Variants in PBRM1 observed in about 807,000 individuals in gnomAD.
The protein encoded by PBRM1 is protein polybromo-1.
In PBRM1, 27 loss-of-function variants were observed where a neutral mutation model predicts 194.5. The ratio of observed to expected loss-of-function variants is 0.14; its 90% CI spans 0.10 to 0.19. PBRM1 has a LOEUF of 0.19. Among genes scored for constraint, PBRM1 ranks in the 10% least tolerant of loss-of-function variants. The probability of loss-of-function intolerance (pLI) is 1.00; values close to 1 mark genes in which losing one functional copy is unlikely to be tolerated. For synonymous variants in PBRM1, 655 were observed against 693.2 expected (o/e 0.94, Z 0.87); for missense variants, 1,466 against 2,077.2 (o/e 0.71, Z 5.72).
At chr3:52,637,993 C>T (rs2095893104) in intron 10 of PBRM1, among the ~76,000 whole-genome samples, 1 of 151,712 alleles carries the variant, frequency 6.6e-6, no homozygotes, top group Non-Finnish European at 1.5e-5. Context: ...TATCAATATC[C>T]CCCTCTCTTA....
At chr3:52,674,641 A>T (rs60004408) in intron 2 of PBRM1, among the ~76,000 whole-genome samples, 4,575 of 74,812 alleles carry the variant, frequency 0.061, 87 homozygotes, top group Non-Finnish European at 0.1. Context: ...AAAAAAAAAA[A>T]AAATATATAT....
At chr3:52,558,539 T>C in intron 25 of PBRM1, 126 bp from the exon 28 acceptor site, 1 of 776,782 alleles carries the variant, frequency 1.3e-6, no homozygotes, top group East Asian at 2.8e-5. Context: ...GAACAGTAGA[T>C]GACTAGTCTC....
chr3:52,563,323 A>G, exon 24 of PBRM1: 2 of 1,614,090 alleles, frequency 1.2e-6, no homozygotes, highest in Non-Finnish European at 1.7e-6. Context: ...CTCACTGGCC[A>G]GGGGGGTCTG....
intron 10 of PBRM1, among the ~76,000 whole-genome samples, chr3:52,637,607 T>C (rs1407260858): frequency 1.3e-5 from 2 of 151,536 alleles, no homozygotes; most frequent in Admixed American, 6.6e-5. Context: ...CACTCCAGCC[T>C]GGGTGACACA....
Position 52,638,985 on chromosome 3 carries a change from T to TGG in PBRM1, c.1087+2968_1087+2969insCC, listed in dbSNP as rs1560631347. ...TGCATAACGTTATTCACATTTTTTT[T>TGG]TGGGGGGGGGGGGCGGGGGACAAAG... On this transcript the variant is annotated intron_variant, in intron 10 of 29. Coordinates refer to ENST00000296302, the Ensembl canonical transcript of PBRM1. Among the ~76,000 whole-genome samples, 58 of 47,788 alleles carry TGG rather than the reference T, an allele frequency of 1.2e-3. 1 individual carries two copies. Among genetic ancestry groups the TGG allele is most frequent in the African/African-American group, 2.8e-3 (36 of 12,760 alleles). 31.4% of individuals were successfully genotyped at this position (47,788 alleles called of 152,430 possible). A position where few individuals can be genotyped will look rare whatever the true frequency, so the allele number is the denominator to read the frequency against.
chr3:52,599,018 C>CA (rs59170143), intron 17 of PBRM1, among the ~76,000 whole-genome samples: 2,406 of 114,022 alleles, frequency 0.021, 47 homozygotes, highest in East Asian at 0.11. Context: ...CCAGATATCT[C>CA]AAAAAAAAAA....
At chr3:52,573,000 T>G (rs1046756168) in intron 22 of PBRM1, among the ~76,000 whole-genome samples, 4 of 152,232 alleles carry the variant, frequency 2.6e-5, no homozygotes, top group Non-Finnish European at 5.9e-5. Flanking sequence ...ATGCATTTTC[T>G]TTTGGGTTTT....
intron 11 of PBRM1, among the ~76,000 whole-genome samples, chr3:52,630,682 C>A (rs2095590878): frequency 6.6e-6 from 1 of 152,134 alleles, no homozygotes; most frequent in Non-Finnish European, 1.5e-5. Context: ...AATAGTTTAC[C>A]CTTCAGAACT....
chr3:52,658,102 C>T (rs1258736633), intron 5 of PBRM1, 97 bp downstream of exon 6: 3 of 691,976 alleles, frequency 4.3e-6, no homozygotes, highest in African/African-American at 1.8e-5. Context: ...CCAACATCTT[C>T]CTTTTGAACT....
At chr3:52,546,636 G>C (rs75386783), downstream of PBRM1, 989 of 231,962 alleles carry the variant, frequency 4.3e-3, 3 homozygotes, top group South Asian at 0.02. Context: ...AGCAGTGGAA[G>C]CTCTACCACA....
intron 10 of PBRM1, among the ~76,000 whole-genome samples, chr3:52,635,465 C>G (rs1224620673): frequency 6.6e-6 from 1 of 152,004 alleles, no homozygotes; most frequent in Admixed American, 6.6e-5. Flanking sequence ...ACTCAGGAGG[C>G]TGAGGCAGAA....
chr3:52,579,382 T>C (rs2090509483), intron 20 of PBRM1, 183 bp from the exon 23 acceptor site: 1 of 605,212 alleles, frequency 1.7e-6, no homozygotes, highest in South Asian at 2.0e-5. Context: ...GCCCAAGAGT[T>C]TGAGACCAGC....
chr3:52,580,880 ACAT>A, intron 20 of PBRM1, among the ~76,000 whole-genome samples: 1 of 151,340 alleles, frequency 6.6e-6, no homozygotes. Flanking sequence ...CACTTAACAG[ACAT>A]CATTATTACT....
At chr3:52,603,716 A>G (rs371456253) in exon 17 of PBRM1, 6 of 1,606,628 alleles carry the variant, frequency 3.7e-6, no homozygotes, top group African/African-American at 1.3e-5. Flanking sequence ...GCATCTTCAT[A>G]TATTTCTGAA....
At chr3:52,569,001 C>G (rs991834710) in intron 22 of PBRM1, among the ~76,000 whole-genome samples, 2 of 152,128 alleles carry the variant, frequency 1.3e-5, no homozygotes, top group African/African-American at 4.8e-5. Context: ...GATCCTCACA[C>G]CTCAGCCCCC....
intron 22 of PBRM1, among the ~76,000 whole-genome samples, chr3:52,573,983 T>C (rs2088450583): frequency 6.6e-6 from 1 of 152,252 alleles, no homozygotes; most frequent in South Asian, 2.1e-4. Flanking sequence ...GGCAGCTTTC[T>C]AAACACTAAT....
At chr3:52,676,518 C>T (rs2097108520) in intron 2 of PBRM1, among the ~76,000 whole-genome samples, 1 of 152,176 alleles carries the variant, frequency 6.6e-6, no homozygotes, top group Non-Finnish European at 1.5e-5. Context: ...TCTGAGGCCT[C>T]CCCAGCCATA....
chr3:52,630,665 T>A (rs1021098472), intron 11 of PBRM1, among the ~76,000 whole-genome samples: 11 of 152,198 alleles, frequency 7.2e-5, no homozygotes, highest in Non-Finnish European at 1.5e-5. Context: ...GCAGCAACAT[T>A]AGACATAATA....
chr3:52,622,266 A>C (rs1009938165), intron 13 of PBRM1, among the ~76,000 whole-genome samples: 23 of 152,098 alleles, frequency 1.5e-4, no homozygotes, highest in African/African-American at 5.3e-4. Context: ...TGAACCCAGG[A>C]GGCGGAGGTT....
Sources: allele counts gnomAD v4.1 joint callset (sites outside exome capture counted in the v4.1 genomes callset), GRCh38; gene constraint gnomAD v4.1.1; transcripts MANE v1.5; gene names NCBI Gene and HGNC (gene_info 2026-07-23, HGNC 2026-07-21).